GPR158: variants seen among roughly 807,000 people sequenced by gnomAD.
The protein encoded by GPR158 is metabotropic glycine receptor.
Under a neutral mutation model 78.2 loss-of-function variants are expected in GPR158, and 30 were observed. That is an observed-to-expected ratio of 0.38 (90% confidence interval 0.29 to 0.52). The LOEUF (loss-of-function observed/expected upper bound fraction) is 0.52, where lower values mean the gene tolerates loss of function less well. Ranked by LOEUF, GPR158 falls within the 20% of genes least tolerant of loss-of-function variation. The pLI, the probability that GPR158 is intolerant of heterozygous loss-of-function variation, is 0.83. For synonymous variants in GPR158, 581 were observed against 591.1 expected (o/e 0.98, Z 0.25); for missense variants, 1,463 against 1,523.5 (o/e 0.96, Z 0.66).
At chr10:25,284,776 C>A (rs1189719670) in intron 2 of GPR158, among the ~76,000 whole-genome samples, 4 of 151,636 alleles carry the variant, frequency 2.6e-5, no homozygotes, top group Non-Finnish European at 5.9e-5. Flanking sequence ...ATACTCCATT[C>A]TTTCAAATAT....
rs550958778 is a variant in GPR158, at chr10:25,573,636, G to T, written c.1753+749G>T. On this transcript the variant is annotated intron_variant, in intron 7 of 10. Coordinates refer to ENST00000376351, the MANE Select transcript of GPR158 (RefSeq NM_020752.3). ...TACGTCCCTAAACATACAACAAAAG[G>T]GATATTTTATTGTTCCCCTCAGTAA... 1.6e-4 allele frequency among the ~76,000 whole-genome samples: 25 copies of T among 152,252 alleles called. No individual in the cohort carries two copies. The South Asian group carries it at 4.8e-3, about 29-fold the overall frequency.
At chr10:25,497,043 C>A (rs148355026) in intron 5 of GPR158, among the ~76,000 whole-genome samples, 4 of 152,074 alleles carry the variant, frequency 2.6e-5, no homozygotes, top group African/African-American at 7.2e-5. Flanking sequence ...GGAAAAGTAT[C>A]CCAGTGAAGT....
chr10:25,567,241 A>G (rs1444838903), intron 6 of GPR158, among the ~76,000 whole-genome samples: 1 of 152,230 alleles, frequency 6.6e-6, no homozygotes, highest in Non-Finnish European at 1.5e-5. Context: ...TCATCGGCAT[A>G]ATAAAAACGG....
chr10:25,589,093 G>A lies in GPR158; in HGVS notation c.1840G>A (p.Ala614Thr). 2 of 1,612,468 alleles carry A rather than the reference G, an allele frequency of 1.2e-6. No homozygotes were observed. The highest frequency in any genetic ancestry group is 1.7e-6 in the Non-Finnish European group (2 of 1,178,796). The change falls in exon 8 of 11, where the codon GCT becomes ACT. Residue 614 changes from alanine (A) to threonine (T), a missense_variant. Physicochemically the swap from Ala to Thr is moderately conservative, Grantham distance 58 (BLOSUM62 0). Coordinates refer to ENST00000376351, the MANE Select transcript of GPR158 (RefSeq NM_020752.3). ...GGCATTCCATGAGCCCCGCTATATG[G>A]CTGTTGCAGTTCACAATGAGCTCAT... ...PSAFHEPRYMAVAVHNELIIS... is the reference protein window; with the variant it reads ...PSAFHEPRYMTVAVHNELIIS...
In GPR158 at chr10:25,189,834, ATGTGTGTGTGTGTG is replaced by A. The variant is rs56205437; in HGVS notation, c.902+13538_902+13551del. Reference sequence around the variant, plus strand: ...AAAAAAAGAGAAAAGAAAGGAAAGCATGTGTGTGTGTGTGTGTGTGTGTGTGTGTGTGTGTGTGT... The same window carrying A: ...AAAAAAAGAGAAAAGAAAGGAAAGCATGTGTGTGTGTGTGTGTGTGTGTGT... On this transcript the variant is annotated intron_variant, in intron 1 of 10. Transcript: ENST00000376351. Among the ~76,000 whole-genome samples, 369 of 120,552 alleles carry A rather than the reference ATGTGTGTGTGTGTG, an allele frequency of 3.1e-3. 1 individual carries two copies. Among genetic ancestry groups the A allele is most frequent in the Non-Finnish European group, 5.0e-3 (292 of 58,038 alleles). The allele number at this position is 120,552 out of a possible 152,430, so 79.1% of individuals were successfully genotyped here. A position where few individuals can be genotyped will look rare whatever the true frequency, so the allele number is the denominator to read the frequency against.
intron 2 of GPR158, among the ~76,000 whole-genome samples, chr10:25,243,884 A>G (rs913919536): frequency 2.0e-5 from 3 of 152,176 alleles, no homozygotes; most frequent in Non-Finnish European, 4.4e-5. Flanking sequence ...CTTTGTGTTT[A>G]TCATAGAGGC....
rs372238950 is a variant in GPR158, at chr10:25,598,948, C to T, written c.3322C>T (p.Arg1108Cys). The T allele has an allele frequency of 1.9e-5, 31 of 1,613,844 alleles. No homozygotes were observed. Among genetic ancestry groups the T allele is most frequent in the Admixed American group, 6.7e-5 (4 of 59,990 alleles). Residue 1108 changes from arginine (R) to cysteine (C), a missense_variant, in exon 11 of 11, where the codon CGT (arginine) becomes TGT (cysteine). Physicochemically the swap from Arg to Cys is radical, Grantham distance 180 (BLOSUM62 -3). Coordinates refer to ENST00000376351, the MANE Select transcript of GPR158 (RefSeq NM_020752.3). ...AAAAGAGGAGAACGGAGGTCAGCCT[C>T]GTGCAGCCAATGTGTGTGCTGGGCA... The part of the protein sequence containing the change: ...RAKEENGGQP[R>C]AANVCAGQSE...
chr10:25,206,623 T>G (rs1428539050), intron 1 of GPR158, among the ~76,000 whole-genome samples: 2 of 152,144 alleles, frequency 1.3e-5, no homozygotes, highest in Non-Finnish European at 2.9e-5. Context: ...TTTTCCTGTT[T>G]TCTAATAAAT....
intron 3 of GPR158, among the ~76,000 whole-genome samples, chr10:25,400,601 A>G (rs1018103479): frequency 6.6e-6 from 1 of 152,206 alleles, no homozygotes; most frequent in African/African-American, 2.4e-5. Flanking sequence ...GGATTTCAGA[A>G]TAACCAAGTA....
intron 2 of GPR158, among the ~76,000 whole-genome samples, chr10:25,375,322 C>T (rs900383988): frequency 6.6e-6 from 1 of 151,512 alleles, no homozygotes; most frequent in Non-Finnish European, 1.5e-5. Flanking sequence ...CCAACCCATA[C>T]CTCTCGTTTT....
chr10:25,271,280 C>A (rs1455433111), intron 2 of GPR158, among the ~76,000 whole-genome samples: 1 of 152,190 alleles, frequency 6.6e-6, no homozygotes, highest in Non-Finnish European at 1.5e-5. Context: ...ATAGTGTTTA[C>A]AAAAATTTTT....
chr10:25,280,271 G>A (rs1302466549), intron 2 of GPR158, among the ~76,000 whole-genome samples: 1 of 152,016 alleles, frequency 6.6e-6, no homozygotes, highest in African/African-American at 2.4e-5. Flanking sequence ...GAAAGAATAA[G>A]GATGAAAAAA....
intron 2 of GPR158, among the ~76,000 whole-genome samples, chr10:25,312,475 C>T (rs984784408): frequency 2.6e-5 from 4 of 151,926 alleles, no homozygotes; most frequent in Admixed American, 6.6e-5. Flanking sequence ...AGTTGTTTTC[C>T]GTGAAGTAGA....
chr10:25,442,608 C>T (rs577025599), intron 4 of GPR158, among the ~76,000 whole-genome samples: 3 of 152,080 alleles, frequency 2.0e-5, no homozygotes, highest in African/African-American at 7.2e-5. Context: ...CGGATCTTTC[C>T]CTACCAAACC....
intron 2 of GPR158, among the ~76,000 whole-genome samples, chr10:25,324,492 A>G (rs998298434): frequency 6.6e-6 from 1 of 152,238 alleles, no homozygotes; most frequent in Non-Finnish European, 1.5e-5. Context: ...GGCATGGTTC[A>G]TGGTATCCCA....
intron 2 of GPR158, among the ~76,000 whole-genome samples, chr10:25,344,819 T>G (rs1401356901): frequency 6.6e-6 from 1 of 151,946 alleles, no homozygotes; most frequent in Non-Finnish European, 1.5e-5. Context: ...CAACAGAAAT[T>G]TATTTCTTAC....
intron 5 of GPR158, among the ~76,000 whole-genome samples, chr10:25,490,396 C>A: frequency 7.0e-6 from 1 of 143,686 alleles, no homozygotes; most frequent in Non-Finnish European, 1.5e-5. Context: ...CACCCACTAA[C>A]TCGTCATCTA....
At chr10:25,403,628 C>T (rs1834473915) in intron 3 of GPR158, among the ~76,000 whole-genome samples, 1 of 152,042 alleles carries the variant, frequency 6.6e-6, no homozygotes, top group African/African-American at 2.4e-5. Flanking sequence ...ATTTCCAAAT[C>T]AAATTTTGAT....
At chr10:25,493,374 G>A (rs187306646) in intron 5 of GPR158, among the ~76,000 whole-genome samples, 74 of 152,260 alleles carry the variant, frequency 4.9e-4, no homozygotes, top group African/African-American at 1.8e-3. Context: ...ACTCAGATAA[G>A]CCCCATGCTG....
Sources: gnomAD v4.1 joint callset for allele counts (sites outside exome capture counted in the v4.1 genomes callset) on GRCh38, gnomAD v4.1.1 for gene constraint, MANE v1.5 for transcripts, NCBI Gene and HGNC (gene_info 2026-07-23, HGNC 2026-07-21) for gene names.